AATK: variants seen among roughly 807,000 people sequenced by gnomAD.
The protein encoded by AATK is lemur tail kinase 1, also known as serine/threonine-protein kinase LMTK1.
AATK carries 91 observed loss-of-function variants against 114.3 expected under a neutral mutation model. The observed-to-expected ratio is 0.80, with a 90% CI of 0.67 to 0.95. The LOEUF is 0.95. Among genes scored for constraint, AATK ranks in the 40% least tolerant of loss-of-function variants. The pLI, the probability that AATK is intolerant of heterozygous loss-of-function variation, is 0.00. For missense variants in AATK, 2,176 were observed against 1,965.2 expected, an observed-to-expected ratio of 1.11 and a Z score of -2.03; for synonymous variants, 1,075 against 916.5, an observed-to-expected ratio of 1.17 and a Z score of -3.12.
rs916732540 is a variant in AATK, at chr17:81,120,778, C to T, written c.3158G>A (p.Gly1053Glu). 3 of 1,568,790 alleles carry T rather than the reference C, an allele frequency of 1.9e-6. No individual in the cohort carries two copies. In the African/African-American group the frequency reaches 4.1e-5, roughly 21 times the overall value. Residue 1053 changes from glycine (G) to glutamate (E), a missense_variant, in exon 11 of 14, where the codon GGG becomes GAG. By Grantham distance (98) the Gly-to-Glu change is moderately conservative. Around this residue, in one of 4 missense-constraint regions of AATK, gnomAD observed 1,701 missense variants for 1,394.7 expected, o/e 1.22. Transcript: ENST00000326724. ...CTGCAGCAGTGGGGGCAGCACCTCCCCGGGGCCAGAGCCTTGTGCCTCCCC... is the reference window on the plus strand; with the variant it reads ...CTGCAGCAGTGGGGGCAGCACCTCCTCGGGGCCAGAGCCTTGTGCCTCCCC... ...VSGEAQGSGP[G>E]EVLPPLLQLE...
At chr17:81,156,873 G>A (rs1475072577) in intron 1 of AATK, among the ~76,000 whole-genome samples, 2 of 152,104 alleles carry the variant, frequency 1.3e-5, no homozygotes, top group Non-Finnish European at 2.9e-5. Context: ...GGCCCTGATC[G>A]CCAGTCAGGC....
At chr17:81,125,780 C>A in intron 7 of AATK, 1 of 400,782 alleles carries the variant, frequency 2.5e-6, no homozygotes, top group South Asian at 1.7e-5. Context: ...GGGATCGCTA[C>A]AGGGCCATGT....
At chr17:81,128,605 C>G in intron 3 of AATK, 56 bp from the exon 4 acceptor site, 2 of 1,544,334 alleles carry the variant, frequency 1.3e-6, no homozygotes, top group Non-Finnish European at 1.7e-6. Context: ...CCCCCAGCTT[C>G]CTCACCCGGC....
rs771502788 is a variant in AATK, at chr17:81,121,046, C to T, written c.2890G>A (p.Ala964Thr). The T allele has an allele frequency of 5.6e-6, 9 of 1,609,464 alleles. No homozygotes were observed. The highest frequency in any genetic ancestry group is 7.6e-6 in the Non-Finnish European group (9 of 1,178,660). The change falls in exon 11 of 14, where the codon GCG (alanine) becomes ACG (threonine). Residue 964 changes from alanine (A) to threonine (T), a missense_variant. Physicochemically the swap from Ala to Thr is moderately conservative, Grantham distance 58. This residue lies in a region of AATK where 1,701 missense variants were observed against 1,394.7 expected (regional missense o/e 1.22). Transcript: ENST00000326724. The part of the protein sequence containing the change: ...AQEGCEPQAF[A>T]ELASEGEGPG... ...CCCTCACCCTCTGAGGCCAGCTCCG[C>T]AAAGGCCTGGGGCTCACACCCTTCC...
chr17:81,130,026 C>A lies in AATK; in HGVS notation c.334+1035G>T, dbSNP rs1434553251. The stretch of plus-strand genomic sequence containing the variant: ...TAGGTCCCAGACCAGTGCCTTGGGC[C>A]TCTCAGCCCACGATGAAGGCTAGGC... On this transcript the variant is annotated intron_variant, in intron 3 of 13. Transcript: ENST00000326724. 2.6e-5 allele frequency among the ~76,000 whole-genome samples: 4 copies of A among 152,330 alleles called. No individual in the cohort carries two copies. The East Asian group carries it at 5.8e-4, about 22-fold the overall frequency.
chr17:81,138,500 C>T (rs1045671381), intron 1 of AATK, among the ~76,000 whole-genome samples: 2 of 148,230 alleles, frequency 1.3e-5, no homozygotes, highest in African/African-American at 5.0e-5. Context: ...CACACACCCT[C>T]GTGCAGACAC....
In AATK at chr17:81,124,917, C is replaced by G. The variant is rs960886198; in HGVS notation, c.840+13G>C. ...CCCCTCATGCCCAGCCCAGCCCACC[C>G]CACCCCACTCACTCTGTACTTGCAG... On this transcript the variant is annotated intron_variant, in intron 8 of 13. Coordinates refer to ENST00000326724, the MANE Select transcript of AATK (RefSeq NM_001080395.3). The G allele has an allele frequency of 6.4e-7, 1 of 1,563,086 alleles. No individual in the cohort carries two copies. Among genetic ancestry groups the G allele is most frequent in the African/African-American group, 1.4e-5 (1 of 73,932 alleles).
intron 1 of AATK, among the ~76,000 whole-genome samples, chr17:81,148,411 C>T (rs375121946): frequency 4.6e-5 from 7 of 152,230 alleles, no homozygotes; most frequent in Non-Finnish European, 8.8e-5. Flanking sequence ...TCTTGCAAAG[C>T]GCCTGATGTG....
At position 81,122,464 on chromosome 17, in the gene AATK, G is replaced by C; in HGVS notation, c.1472C>G (p.Pro491Arg). 1.4e-6 allele frequency: 2 copies of C among 1,452,182 alleles called. No individual in the cohort carries two copies. The highest frequency in any genetic ancestry group is 2.3e-5 in the Admixed American group (1 of 42,798). The allele number at this position is 1,452,182 out of a possible 1,614,324, so 90.0% of individuals were successfully genotyped here. ...GGTGCGGCCAGGGCTCAGCGTGGCCGGGAAGGCCTCCGCGCCGCGGCCCGC... is the reference window on the plus strand; with the variant it reads ...GGTGCGGCCAGGGCTCAGCGTGGCCCGGAAGGCCTCCGCGCCGCGGCCCGC... ...WEAGRGAEAFPATLSPGRTAR... is the reference protein window; with the variant it reads ...WEAGRGAEAFRATLSPGRTAR... The change falls in exon 11 of 14, where the codon CCG becomes CGG. Residue 491 changes from proline to arginine, a missense_variant. Around this residue, in one of 4 missense-constraint regions of AATK, gnomAD observed 1,701 missense variants for 1,394.7 expected, o/e 1.22. Coordinates refer to ENST00000326724, the MANE Select transcript of AATK (RefSeq NM_001080395.3).
rs760373611 is a variant in AATK at position 81,122,089 on chromosome 17, G to A, written c.1847C>T (p.Pro616Leu). ...CGCTCCTCCCTCCGCCAGACTCAGG[G>A]GCCCCGCCGAGGGCGAGGGAGAGCG... is the stretch of plus-strand genomic sequence containing the variant. ...PSRSPSPSAG[P>L]LSLAEGGAED... is the part of the protein sequence containing the mutation. The change falls in exon 11 of 14, where the codon CCC becomes CTC. Residue 616 changes from proline (P) to leucine (L), a missense_variant. This residue lies in a region of AATK where 1,701 missense variants were observed against 1,394.7 expected (regional missense o/e 1.22). Transcript: ENST00000326724. 1.9e-6 allele frequency: 3 copies of A among 1,579,842 alleles called. No individual in the cohort carries two copies. The South Asian group carries it at 3.4e-5, about 18-fold the overall frequency.
chr17:81,156,432 T>G (rs908796114), intron 1 of AATK, among the ~76,000 whole-genome samples: 1 of 152,212 alleles, frequency 6.6e-6, no homozygotes, highest in Non-Finnish European at 1.5e-5. Flanking sequence ...AGAGTCTTGC[T>G]CTGTCGCCCA....
chr17:81,149,792 C>T (rs947388006), intron 1 of AATK, among the ~76,000 whole-genome samples: 34 of 152,240 alleles, frequency 2.2e-4, no homozygotes, highest in African/African-American at 7.9e-4. Context: ...ACAGGGTACT[C>T]AGGAACCCCC....
rs748207322 is a variant in AATK, at chr17:81,121,028, C to T, written c.2908G>A (p.Gly970Ser). ...CGTGTCTCGGGCCCGGGGCCCTCACCCTCTGAGGCCAGCTCCGCAAAGGCC... is the reference window on the plus strand; with the variant it reads ...CGTGTCTCGGGCCCGGGGCCCTCACTCTCTGAGGCCAGCTCCGCAAAGGCC... ...PQAFAELASEGEGPGPETRLS... is the reference protein window; with the variant it reads ...PQAFAELASESEGPGPETRLS... Residue 970 changes from glycine to serine, a missense_variant, in exon 11 of 14, where the codon GGT becomes AGT. Physicochemically the swap from Gly to Ser is moderately conservative, Grantham distance 56. Around this residue, in one of 4 missense-constraint regions of AATK, gnomAD observed 1,701 missense variants for 1,394.7 expected, o/e 1.22. Transcript: ENST00000326724. 1.2e-6 allele frequency: 2 copies of T among 1,609,866 alleles called. No homozygotes were observed. The highest frequency in any genetic ancestry group is 2.2e-5 in the South Asian group (2 of 90,332).
rs752036027 is a variant in AATK, at chr17:81,122,103, C to G, written c.1833G>C (p.Ser611=). 5.7e-6 allele frequency: 9 copies of G among 1,566,862 alleles called. No individual in the cohort carries two copies. Among genetic ancestry groups the G allele is most frequent in the Non-Finnish European group, 7.7e-6 (9 of 1,162,032 alleles). The part of the protein sequence containing the change: ...RDPLCPSRSP[S]PSAGPLSLAE... ...CCAGACTCAGGGGCCCCGCCGAGGG[C>G]GAGGGAGAGCGTGAGGGGCAGAGCG... The change falls in exon 11 of 14, where the codon TCG becomes TCC. Residue 611 remains serine (S), a synonymous_variant. Coordinates refer to ENST00000326724, the MANE Select transcript of AATK (RefSeq NM_001080395.3).
At chr17:81,145,480 C>T (rs559817670) in intron 1 of AATK, among the ~76,000 whole-genome samples, 46 of 152,214 alleles carry the variant, frequency 3.0e-4, no homozygotes, top group Admixed American at 5.9e-4. Flanking sequence ...CGCCTGTAAT[C>T]CCAGCACTTT....
At chr17:81,140,668 GTGGGGACC>G (rs2061110256) in intron 1 of AATK, among the ~76,000 whole-genome samples, 1 of 140,936 alleles carries the variant, frequency 7.1e-6, no homozygotes, top group South Asian at 2.3e-4. Flanking sequence ...CCGTGGGGCC[GTGGGGACC>G]ATGGGGCCGT....
rs2060841600 is a variant in AATK at position 81,126,997 on chromosome 17, T to C, written c.622-437A>G. On this transcript the variant is annotated intron_variant, in intron 6 of 13. Coordinates refer to ENST00000326724, the MANE Select transcript of AATK (RefSeq NM_001080395.3). This position sits in a 1 kb window ranked among gnomAD's most constrained non-coding sequence, Gnocchi z 5.1. ...TGTCCCGAGGGAAGCCAGCAGGGGA[T>C]CCAGCCCAGCCACAGACAGCCTCGG... is the stretch of plus-strand genomic sequence containing the variant. 2.1e-5 allele frequency among the ~76,000 whole-genome samples: 3 copies of C among 141,752 alleles called. No individual in the cohort carries two copies. The South Asian group carries it at 6.9e-4, about 33-fold the overall frequency. The allele number at this position is 141,752 out of a possible 152,430, so 93.0% of individuals were successfully genotyped here.
intron 1 of AATK, among the ~76,000 whole-genome samples, chr17:81,143,582 C>T (rs2061171630): frequency 6.6e-6 from 1 of 151,400 alleles, no homozygotes; most frequent in African/African-American, 2.4e-5. Context: ...TGCAGCCCCG[C>T]CTCCCGTGGC....
chr17:81,134,012 G>T (rs1169685580), intron 2 of AATK, among the ~76,000 whole-genome samples: 1 of 152,258 alleles, frequency 6.6e-6, no homozygotes, highest in African/African-American at 2.4e-5. Context: ...ACCAGGAGTC[G>T]GGCCTCTAGG....
Sources: allele counts gnomAD v4.1 joint callset (sites outside exome capture counted in the v4.1 genomes callset), GRCh38; gene constraint gnomAD v4.1.1; regional missense constraint gnomAD v4.1.1; non-coding constraint Gnocchi (gnomAD v3.1); transcripts MANE v1.5; gene names NCBI Gene and HGNC (gene_info 2026-07-23, HGNC 2026-07-21).